Variants in ETV1 observed in about 807,000 individuals in gnomAD.
ETV1 encodes the protein ETS translocation variant 1.
ETV1 carries 27 observed loss-of-function variants against 62.3 expected under a neutral mutation model. That is an observed-to-expected ratio of 0.43 (90% CI 0.32 to 0.60). ETV1 has a LOEUF of 0.60. ETV1 is among the 20% of genes least tolerant of loss of function. The pLI is 0.06. For missense variants in ETV1, 605 were observed against 605.8 expected, an observed-to-expected ratio of 1.00 and a Z score of 0.01; for synonymous variants, 222 against 199.6, an observed-to-expected ratio of 1.11 and a Z score of -0.94.
chr7:13,923,544 T>A (rs1785088439), intron 9 of ETV1, among the ~76,000 whole-genome samples: 1 of 152,166 alleles, frequency 6.6e-6, no homozygotes, highest in Non-Finnish European at 1.5e-5. Context: ...GTATTTAACA[T>A]AAGGTAAATA....
At chr7:13,929,240 G>A (rs1026461618) in intron 9 of ETV1, among the ~76,000 whole-genome samples, 5 of 152,062 alleles carry the variant, frequency 3.3e-5, no homozygotes, top group Admixed American at 3.3e-4. Context: ...CGATACAAAA[G>A]GTTCTAAACT....
intron 9 of ETV1, 105 bp from the exon 10 acceptor site, chr7:13,911,412 C>G: frequency 1.4e-6 from 1 of 721,150 alleles, no homozygotes; most frequent in Non-Finnish European, 2.5e-6. Context: ...GACACAGGTT[C>G]CAATGTGGGG....
intron 9 of ETV1, among the ~76,000 whole-genome samples, chr7:13,914,472 CCT>C (rs991969350): frequency 9.9e-5 from 15 of 151,616 alleles, no homozygotes; most frequent in Non-Finnish European, 1.8e-4. Context: ...GCAACAAAGC[CCT>C]GTTGTCATTT....
At chr7:13,958,782 G>C (rs897516505) in intron 6 of ETV1, 2 of 152,158 alleles carry the variant, frequency 1.3e-5, no homozygotes, top group African/African-American at 4.8e-5. Context: ...AGAGATAATA[G>C]TTTCTACTAA....
chr7:13,924,791 T>G (rs1173308031), intron 9 of ETV1, among the ~76,000 whole-genome samples: 1 of 152,202 alleles, frequency 6.6e-6, no homozygotes, highest in Non-Finnish European at 1.5e-5. Context: ...ACCTCAGATA[T>G]TTATCTGTAA....
chr7:13,928,816 G>A (rs376634365), intron 9 of ETV1, among the ~76,000 whole-genome samples: 3 of 152,142 alleles, frequency 2.0e-5, no homozygotes, highest in South Asian at 4.2e-4. Flanking sequence ...AAATCAGCCG[G>A]GTGTGGTGGT....
chr7:13,916,855 G>C (rs977144342), intron 9 of ETV1, among the ~76,000 whole-genome samples: 4 of 151,298 alleles, frequency 2.6e-5, no homozygotes, highest in African/African-American at 9.7e-5. Context: ...TGGTTTGAGC[G>C]CAGGAGGCAG....
intron 9 of ETV1, among the ~76,000 whole-genome samples, chr7:13,916,412 C>T (rs1244288430): frequency 6.7e-6 from 1 of 149,914 alleles, no homozygotes; most frequent in African/African-American, 2.5e-5. Flanking sequence ...CCAAGGTGGG[C>T]GGATCGCCTG....
chr7:13,940,787 T>C (rs982019164), intron 6 of ETV1, among the ~76,000 whole-genome samples: 16 of 152,190 alleles, frequency 1.1e-4, no homozygotes, highest in African/African-American at 3.9e-4. Flanking sequence ...ATTTTTAACA[T>C]AAAAATTTGA....
chr7:13,962,949 G>T (rs1471028929), intron 6 of ETV1, among the ~76,000 whole-genome samples: 1 of 152,078 alleles, frequency 6.6e-6, no homozygotes, highest in Non-Finnish European at 1.5e-5. Context: ...CACTTGTATA[G>T]TCATGGCAAA....
At chr7:13,951,948 C>T (rs976823495) in intron 6 of ETV1, among the ~76,000 whole-genome samples, 3 of 152,108 alleles carry the variant, frequency 2.0e-5, no homozygotes, top group Admixed American at 6.6e-5. Flanking sequence ...TACACTGACT[C>T]GTAGAAACAG....
chr7:13,968,943 T>G (rs1583839648), intron 6 of ETV1, among the ~76,000 whole-genome samples: 1 of 152,266 alleles, frequency 6.6e-6, no homozygotes, highest in East Asian at 1.9e-4. Context: ...GGAGAGTACT[T>G]TTCATTGGAT....
At chr7:13,975,590 GAA>G (rs368323645) in intron 6 of ETV1, among the ~76,000 whole-genome samples, 1 of 125,474 alleles carries the variant, frequency 8.0e-6, no homozygotes, top group Non-Finnish European at 1.6e-5. Flanking sequence ...GAAAAGAAAA[GAA>G]AAAAAAAAAG....
At position 13,893,995 on chromosome 7, in the gene ETV1, G is replaced by C. The variant is rs1256405380; in HGVS notation, c.*1871C>G. On this transcript the variant is annotated 3_prime_UTR_variant, in exon 14 of 14. Transcript: ENST00000430479. Reference sequence around the variant, plus strand: ...ATTAAATGTGAAGAGTAGCAATTTTGGTGTTTGGGTTTCTTGATAACTGCT... The same window carrying C: ...ATTAAATGTGAAGAGTAGCAATTTTCGTGTTTGGGTTTCTTGATAACTGCT... 2 of 232,842 alleles carry C rather than the reference G, an allele frequency of 8.6e-6. No individual in the cohort carries two copies. The highest frequency in any genetic ancestry group is 6.1e-5 in the East Asian group (1 of 16,472). 14.4% of individuals were successfully genotyped at this position (232,842 alleles called of 1,614,324 possible).
intron 6 of ETV1, among the ~76,000 whole-genome samples, chr7:13,975,447 G>A (rs1202186218): frequency 6.7e-6 from 1 of 150,326 alleles, no homozygotes; most frequent in Non-Finnish European, 1.5e-5. Context: ...TCGGGAGGCT[G>A]AGGCAGGAGA....
chr7:13,973,940 G>A (rs546893326), intron 6 of ETV1, among the ~76,000 whole-genome samples: 2 of 152,214 alleles, frequency 1.3e-5, no homozygotes, highest in African/African-American at 4.8e-5. Flanking sequence ...GCACTAAGAA[G>A]GTGATCATGA....
chr7:13,985,906 C>G (rs892858383), intron 5 of ETV1, among the ~76,000 whole-genome samples: 2 of 152,156 alleles, frequency 1.3e-5, no homozygotes, highest in Non-Finnish European at 2.9e-5. Context: ...GATTGCACCA[C>G]AAAATTTTAA....
chr7:13,900,654 G>A (rs1782317096), intron 13 of ETV1, 84 bp downstream of exon 13: 2 of 957,316 alleles, frequency 2.1e-6, no homozygotes, highest in African/African-American at 1.7e-5. Flanking sequence ...CTTCAGCAAT[G>A]CAATGATATG....
intron 2 of ETV1, 55 bp downstream of exon 2, chr7:13,989,213 T>C (rs1186532393): frequency 1.6e-6 from 1 of 623,484 alleles, no homozygotes; most frequent in Non-Finnish European, 2.8e-6. Flanking sequence ...CATAGCTAAT[T>C]ACCCTCCGAC....
Sources: allele counts gnomAD v4.1 joint callset (sites outside exome capture counted in the v4.1 genomes callset), GRCh38; gene constraint gnomAD v4.1.1; transcripts MANE v1.5; gene names NCBI Gene and HGNC (gene_info 2026-07-23, HGNC 2026-07-21).